Variants in CDH4 observed in about 807,000 individuals in gnomAD.
CDH4 encodes cadherin 4, also known as cadherin-4.
Under a neutral mutation model 86.0 loss-of-function variants are expected in CDH4, and 33 were observed. The observed-to-expected ratio is 0.38, with a 90% CI of 0.29 to 0.51. The LOEUF (loss-of-function observed/expected upper bound fraction) is 0.51. CDH4 is among the 20% of genes least tolerant of loss of function. The pLI is 0.86. For missense variants in CDH4, 1,114 were observed against 1,307.4 expected, an observed-to-expected ratio of 0.85 and a Z score of 2.28; for synonymous variants, 555 against 549.4, an observed-to-expected ratio of 1.01 and a Z score of -0.14.
At chr20:61,325,323 C>T (rs1013590499) in intron 2 of CDH4, among the ~76,000 whole-genome samples, 8 of 152,076 alleles carry the variant, frequency 5.3e-5, no homozygotes, top group African/African-American at 9.7e-5. Flanking sequence ...TTCACGTGGC[C>T]GTAAGGCAAA....
chr20:61,388,135 A>T (rs940193704), intron 2 of CDH4, among the ~76,000 whole-genome samples: 2 of 152,188 alleles, frequency 1.3e-5, no homozygotes, highest in Non-Finnish European at 2.9e-5. Context: ...TGCAGGGTGG[A>T]GACGGCAGGG....
chr20:61,357,048 C>T (rs995805263), intron 2 of CDH4, among the ~76,000 whole-genome samples: 3 of 152,152 alleles, frequency 2.0e-5, no homozygotes, highest in African/African-American at 7.2e-5. Flanking sequence ...GTGACCTTCT[C>T]CCCCTCACTG....
chr20:61,265,420 G>T (rs1040466887), intron 2 of CDH4, among the ~76,000 whole-genome samples: 1 of 151,718 alleles, frequency 6.6e-6, no homozygotes, highest in African/African-American at 2.4e-5. Flanking sequence ...TATCTCATTG[G>T]CTCCTTCATT....
rs887373449 is a variant in CDH4 at position 61,879,136 on chromosome 20, G to A, written c.1050+5236G>A. Among the ~76,000 whole-genome samples the A allele has an allele frequency of 3.9e-5, 6 of 152,250 alleles. No homozygotes were observed. The highest frequency in any genetic ancestry group is 4.1e-4 in the South Asian group (2 of 4,836). ...CACGCAGGCGGCCACTGACAGCAGT[G>A]TAGACGCCAAGCGAGCACCAGTTCA... On this transcript the variant is annotated intron_variant, in intron 7 of 15. Coordinates refer to ENST00000614565, the MANE Select transcript of CDH4 (RefSeq NM_001794.5). The surrounding 1 kb of genome is among the most constrained non-coding windows in gnomAD (Gnocchi z 4.1).
Position 61,508,279 on chromosome 20 carries a change from C to A in CDH4, c.170-235284C>A, listed in dbSNP as rs1027697903. Among the ~76,000 whole-genome samples, 12 of 152,196 alleles carry A rather than the reference C, an allele frequency of 7.9e-5. No individual in the cohort carries two copies. In the East Asian group the frequency reaches 2.3e-3, roughly 29 times the overall value. ...ATGTGTGCCCCCCACTGAGTTGGGT[C>A]TTAATGCTCACAGTGGGGGACAGGA... On this transcript the variant is annotated intron_variant, in intron 2 of 15. Transcript: ENST00000614565.
chr20:61,719,995 C>T (rs2088014117), intron 2 of CDH4, among the ~76,000 whole-genome samples: 1 of 152,162 alleles, frequency 6.6e-6, no homozygotes, highest in African/African-American at 2.4e-5. Flanking sequence ...GCACCATGCT[C>T]ATGGGTGAGC....
chr20:61,550,373 C>G (rs2086120841), intron 2 of CDH4, among the ~76,000 whole-genome samples: 1 of 151,838 alleles, frequency 6.6e-6, no homozygotes, highest in Admixed American at 6.6e-5. Context: ...CCCAACTTCT[C>G]TGGCTTTCCT....
intron 3 of CDH4, among the ~76,000 whole-genome samples, chr20:61,766,886 G>C (rs1271023152): frequency 1.3e-5 from 2 of 152,192 alleles, no homozygotes; most frequent in African/African-American, 2.4e-5. Flanking sequence ...CCAGTGGACT[G>C]ATTGTGTGCG....
chr20:61,643,960 T>G (rs538738361), intron 2 of CDH4, among the ~76,000 whole-genome samples: 2 of 151,770 alleles, frequency 1.3e-5, no homozygotes, highest in East Asian at 3.9e-4. Flanking sequence ...TAGAAGGGAG[T>G]GGTAGAATTC....
chr20:61,614,656 A>G (rs1435118659), intron 2 of CDH4, among the ~76,000 whole-genome samples: 1 of 152,096 alleles, frequency 6.6e-6, no homozygotes, highest in Non-Finnish European at 1.5e-5. Flanking sequence ...AGAATTGGAG[A>G]ATTGGTTGGT....
chr20:61,382,785 A>G (rs1269789889), intron 2 of CDH4, among the ~76,000 whole-genome samples: 1 of 152,100 alleles, frequency 6.6e-6, no homozygotes, highest in East Asian at 1.9e-4. Context: ...GTCACCTATC[A>G]TCAGAAATAC....
intron 5 of CDH4, among the ~76,000 whole-genome samples, chr20:61,852,144 C>T (rs541518082): frequency 6.6e-6 from 1 of 152,150 alleles, no homozygotes; most frequent in South Asian, 2.1e-4. Flanking sequence ...CCCACCCCAC[C>T]ACCCATATTC....
intron 2 of CDH4, among the ~76,000 whole-genome samples, chr20:61,465,856 CT>C (rs908023440): frequency 4.1e-5 from 6 of 147,708 alleles, no homozygotes; most frequent in African/African-American, 5.0e-5. Flanking sequence ...GTAAATAGGA[CT>C]TTTTTTTCTT....
rs199615187 is a variant in CDH4 at position 61,936,960 on chromosome 20, G to C, written c.*17G>C. On this transcript the variant is annotated 3_prime_UTR_variant, in exon 16 of 16. Coordinates refer to ENST00000614565, the MANE Select transcript of CDH4 (RefSeq NM_001794.5). ...GAGGATTGACTGACCTCGCATCTTC[G>C]GACCGAAGTGAGAGCCGTGCTCGGA... 6.5e-7 allele frequency: 1 copy of C among 1,544,924 alleles called. No individual in the cohort carries two copies. The highest frequency in any genetic ancestry group is 1.4e-5 in the African/African-American group (1 of 72,630).
At chr20:61,572,899 G>A (rs906017180) in intron 2 of CDH4, among the ~76,000 whole-genome samples, 15 of 151,506 alleles carry the variant, frequency 9.9e-5, no homozygotes, top group African/African-American at 3.2e-4. Context: ...ATGGACAGAC[G>A]GATGGATGAT....
intron 2 of CDH4, among the ~76,000 whole-genome samples, chr20:61,550,751 T>G (rs1351663378): frequency 6.6e-6 from 1 of 152,234 alleles, no homozygotes; most frequent in Non-Finnish European, 1.5e-5. Flanking sequence ...GTGGTGTCTG[T>G]GCTCTTGTGT....
At chr20:61,762,400 C>G (rs1236932977) in intron 3 of CDH4, among the ~76,000 whole-genome samples, 1 of 152,252 alleles carries the variant, frequency 6.6e-6, no homozygotes, top group Admixed American at 6.5e-5. Context: ...TCAATACCCA[C>G]TGTTCACCCA....
intron 2 of CDH4, among the ~76,000 whole-genome samples, chr20:61,529,489 G>T (rs917934990): frequency 1.4e-4 from 21 of 152,206 alleles, no homozygotes; most frequent in Admixed American, 1.3e-3. Flanking sequence ...TGGGGTGAAT[G>T]TTGGTTTTTA....
At chr20:61,549,516 C>T (rs980024620) in intron 2 of CDH4, among the ~76,000 whole-genome samples, 2 of 152,206 alleles carry the variant, frequency 1.3e-5, no homozygotes, top group African/African-American at 2.4e-5. Flanking sequence ...TAAGGGAGAG[C>T]TCTGGCCATG....
Sources: allele counts gnomAD v4.1 joint callset (sites outside exome capture counted in the v4.1 genomes callset), GRCh38; gene constraint gnomAD v4.1.1; non-coding constraint Gnocchi (gnomAD v3.1); transcripts MANE v1.5; gene names NCBI Gene and HGNC (gene_info 2026-07-23, HGNC 2026-07-21).